PANX3: variants seen among roughly 807,000 people sequenced by gnomAD.
The protein encoded by PANX3 is pannexin-3.
PANX3 carries 18 observed loss-of-function variants against 31.5 expected under a neutral mutation model. The observed-to-expected ratio is 0.57, with a 90% CI of 0.39 to 0.85. PANX3 has a LOEUF of 0.85. Ranked by LOEUF, PANX3 falls within the 40% of genes least tolerant of loss-of-function variation. The probability of loss-of-function intolerance (pLI) is 0.00; values close to 1 mark genes in which losing one functional copy is unlikely to be tolerated. For synonymous variants in PANX3, 194 were observed against 201.6 expected (o/e 0.96, Z 0.32); for missense variants, 426 against 485.4 (o/e 0.88, Z 1.15).
intron 2 of PANX3, among the ~76,000 whole-genome samples, chr11:124,614,046 T>C (rs1320560675): frequency 2.6e-5 from 4 of 151,876 alleles, no homozygotes; most frequent in African/African-American, 9.7e-5. Context: ...TAGCATTTTC[T>C]AGGCACGACA....
In PANX3 at chr11:124,617,490, T is replaced by A. The variant is rs200211496; in HGVS notation, c.539+2T>A. The stretch of plus-strand genomic sequence containing the variant: ...TGTGTTCTGGAATGAGCTGGAGAAG[T>A]GAGTTGTCTCTTCCACCTTTTTCTG... On this transcript the variant is annotated splice_donor_variant, in intron 3 of 3. Transcript: ENST00000284288. LOFTEE classifies it high-confidence loss of function. 6.2e-7 allele frequency: 1 copy of A among 1,613,670 alleles called. No individual in the cohort carries two copies. Among genetic ancestry groups the A allele is most frequent in the Non-Finnish European group, 8.5e-7 (1 of 1,179,558 alleles).
intron 2 of PANX3, among the ~76,000 whole-genome samples, chr11:124,614,739 C>T (rs1418068092): frequency 1.4e-5 from 2 of 141,868 alleles, no homozygotes; most frequent in Non-Finnish European, 1.5e-5. Context: ...TGCAATGGCA[C>T]GATCTTGGCT....
chr11:124,616,191 A>C lies in PANX3; in HGVS notation c.325-1083A>C, dbSNP rs776849734. Among the ~76,000 whole-genome samples, 2 of 152,106 alleles carry C rather than the reference A, an allele frequency of 1.3e-5. No homozygotes were observed. The highest frequency in any genetic ancestry group is 4.8e-5 in the African/African-American group (2 of 41,420). ...GCACCACCAACTGGGTGGCTTCAAC[A>C]ATCAAAATTATCGTCTCAGGGTTCT... On this transcript the variant is annotated intron_variant, in intron 2 of 3. Coordinates refer to ENST00000284288, the MANE Select transcript of PANX3 (RefSeq NM_052959.3). The surrounding 1 kb of genome is among the most constrained non-coding windows in gnomAD (Gnocchi z 4.8).
chr11:124,612,408 T>A (rs1487931171), intron 1 of PANX3, among the ~76,000 whole-genome samples: 1 of 152,180 alleles, frequency 6.6e-6, no homozygotes, highest in Non-Finnish European at 1.5e-5. Context: ...TGCCATTAGC[T>A]TACTACATTT....
chr11:124,619,244 T>A, intron 3 of PANX3, 52 bp from the exon 4 acceptor site: 1 of 1,530,984 alleles, frequency 6.5e-7, no homozygotes, highest in Non-Finnish European at 8.8e-7. Flanking sequence ...TCTCTTAGAG[T>A]ATGGTTCTAA....
At chr11:124,613,534 C>T (rs1371166951) in intron 2 of PANX3, among the ~76,000 whole-genome samples, 2 of 152,126 alleles carry the variant, frequency 1.3e-5, no homozygotes, top group East Asian at 3.9e-4. Flanking sequence ...GTGGGTCTCA[C>T]CATTCAGAGT....
At chr11:124,612,102 T>C (rs1391515739) in intron 1 of PANX3, among the ~76,000 whole-genome samples, 12 of 152,214 alleles carry the variant, frequency 7.9e-5, no homozygotes, top group Admixed American at 1.3e-4. Flanking sequence ...CTCTTCATCT[T>C]AGCTGGGCTG....
chr11:124,615,707 T>C (rs1008533737), intron 2 of PANX3, among the ~76,000 whole-genome samples: 2 of 152,066 alleles, frequency 1.3e-5, no homozygotes, highest in Non-Finnish European at 1.5e-5. Flanking sequence ...CTAGCAAAAA[T>C]GTAGCTTTAA....
At position 124,619,421 on chromosome 11, in the gene PANX3, C is replaced by T; in HGVS notation, c.665C>T (p.Ala222Val). The T allele has an allele frequency of 6.2e-7, 1 of 1,614,194 alleles. No individual in the cohort carries two copies. Among genetic ancestry groups the T allele is most frequent in the African/African-American group, 1.3e-5 (1 of 75,038 alleles). ...RNSLLLIFTS[A>V]TYLYLGHFHL... ...TCCCTCTTGCTCATCTTCACCTCCGCCACTTACCTATACCTTGGTCATTTC... is the reference window on the plus strand; with the variant it reads ...TCCCTCTTGCTCATCTTCACCTCCGTCACTTACCTATACCTTGGTCATTTC... Residue 222 changes from alanine to valine, a missense_variant, in exon 4 of 4, where the codon GCC (alanine) becomes GTC (valine). Transcript: ENST00000284288.
intron 2 of PANX3, among the ~76,000 whole-genome samples, chr11:124,615,303 G>A (rs906034183): frequency 4.6e-5 from 7 of 151,836 alleles, no homozygotes; most frequent in African/African-American, 1.7e-4. Context: ...GGATGGTCTC[G>A]ATCTCTTGAC....
chr11:124,612,878 C>G, intron 1 of PANX3, 102 bp from the exon 2 acceptor site: 10 of 1,425,830 alleles, frequency 7.0e-6, no homozygotes, highest in Non-Finnish European at 9.6e-6. Context: ...AGAAGACAGT[C>G]CCTGCCAGAA....
chr11:124,613,548 C>T (rs1444955190), intron 2 of PANX3, among the ~76,000 whole-genome samples: 1 of 152,134 alleles, frequency 6.6e-6, no homozygotes, highest in Non-Finnish European at 1.5e-5. Context: ...TCAGAGTTCA[C>T]TCAGCTGCTC....
rs1337235450 is a variant in PANX3, at chr11:124,617,375, C to G, written c.426C>G (p.Phe142Leu). ...CAGCCCTCAGCTCCGATCTGCTGTT[C>G]ATCATCAGCGAACTGGACAAATCTT... Reference protein sequence around the residue: ...AVPALSSDLLFIISELDKSYN... With the variant: ...AVPALSSDLLLIISELDKSYN... Residue 142 changes from phenylalanine (F) to leucine (L), a missense_variant, in exon 3 of 4, where the codon TTC becomes TTG. Physicochemically the swap from Phe to Leu is conservative, Grantham distance 22. Transcript: ENST00000284288. 6.2e-7 allele frequency: 1 copy of G among 1,613,836 alleles called. No homozygotes were observed. The highest frequency in any genetic ancestry group is 8.5e-7 in the Non-Finnish European group (1 of 1,180,054).
chr11:124,619,820 C>T lies in PANX3; in HGVS notation c.1064C>T (p.Thr355Ile). 6.2e-7 allele frequency: 1 copy of T among 1,614,108 alleles called. No homozygotes were observed. Among genetic ancestry groups the T allele is most frequent in the Non-Finnish European group, 8.5e-7 (1 of 1,180,020 alleles). The change falls in exon 4 of 4, where the codon ACA (threonine) becomes ATA (isoleucine). Residue 355 changes from threonine (T) to isoleucine (I), a missense_variant. Coordinates refer to ENST00000284288, the MANE Select transcript of PANX3 (RefSeq NM_052959.3). ...WLSVLCVLKD[T>I]TTQKHNIDTV... is the part of the protein sequence containing the mutation. Reference sequence around the variant, plus strand: ...AGTGTCTTATGTGTGTTGAAGGATACAACCACCCAGAAGCACAATATTGAC... The same window carrying T: ...AGTGTCTTATGTGTGTTGAAGGATATAACCACCCAGAAGCACAATATTGAC...
At position 124,619,637 on chromosome 11, in the gene PANX3, T is replaced by C; in HGVS notation, c.881T>C (p.Leu294Pro). 1 of 1,614,232 alleles carries C rather than the reference T, an allele frequency of 6.2e-7. No homozygotes were observed. Among genetic ancestry groups the C allele is most frequent in the Non-Finnish European group, 8.5e-7 (1 of 1,180,048 alleles). The change falls in exon 4 of 4, where the codon CTA (leucine) becomes CCA (proline). Residue 294 changes from leucine (L) to proline (P), a missense_variant. Physicochemically the swap from Leu to Pro is moderately conservative, Grantham distance 98. Transcript: ENST00000284288. ...VPVIIYNLTR[L>P]CRWDKRLLSV... ...GTGATAATATACAACCTCACACGGC[T>C]ATGTCGGTGGGACAAACGACTTTTA...
rs755440472 is a variant in PANX3, at chr11:124,617,322, G to A, written c.373G>A (p.Val125Met). 6.2e-6 allele frequency: 10 copies of A among 1,611,112 alleles called. No individual in the cohort carries two copies. The South Asian group carries it at 9.9e-5, about 16-fold the overall frequency. Residue 125 changes from valine to methionine, a missense_variant, in exon 3 of 4, where the codon GTG becomes ATG. By Grantham distance (21) the Val-to-Met change is conservative. Coordinates refer to ENST00000284288, the MANE Select transcript of PANX3 (RefSeq NM_052959.3). The part of the protein sequence containing the change: ...LALALLMYLP[V>M]LLWQYAAVPA... ...CCTGGCCTTGCTCATGTACCTGCCGGTGCTGCTGTGGCAGTATGCAGCTGT... is the reference window on the plus strand; with the variant it reads ...CCTGGCCTTGCTCATGTACCTGCCGATGCTGCTGTGGCAGTATGCAGCTGT...
intron 3 of PANX3, 49 bp downstream of exon 3, chr11:124,617,537 AATG>A: frequency 1.3e-6 from 2 of 1,576,978 alleles, no homozygotes; most frequent in Admixed American, 3.3e-5. Context: ...CAAGCATTAA[AATG>A]ATAACTTTGC....
Position 124,620,152 on chromosome 11 carries a change from G to A in PANX3, c.*217G>A, listed in dbSNP as rs554849942. ...TGAAAGCTGGAGCCGAAGAGTCAAA[G>A]AGCTAAAAAATTAAGTCTAGAACAT... On this transcript the variant is annotated 3_prime_UTR_variant, in exon 4 of 4. Coordinates refer to ENST00000284288, the MANE Select transcript of PANX3 (RefSeq NM_052959.3). 1.8e-6 allele frequency: 1 copy of A among 570,782 alleles called. No homozygotes were observed. The highest frequency in any genetic ancestry group is 3.0e-6 in the Non-Finnish European group (1 of 338,898). 35.4% of individuals were successfully genotyped at this position (570,782 alleles called of 1,614,324 possible). A position where few individuals can be genotyped will look rare whatever the true frequency, so the allele number is the denominator to read the frequency against.
rs1591367822 is a variant in PANX3, at chr11:124,613,092, G to A, written c.294G>A (p.Gln98=). 1 of 1,613,936 alleles carries A rather than the reference G, an allele frequency of 6.2e-7. No individual in the cohort carries two copies. The highest frequency in any genetic ancestry group is 2.2e-5 in the East Asian group (1 of 44,878). ...ACCATAAGCAGGACGGGCCTGGCCA[G>A]GACAAAATGAAATCTCTCTGGCCCC... ...LLHHKQDGPG[Q]DKMKSLWPHK... The change falls in exon 2 of 4, where the codon CAG becomes CAA. Residue 98 remains glutamine, a synonymous_variant. Transcript: ENST00000284288.
Sources: gnomAD v4.1 joint callset for allele counts (sites outside exome capture counted in the v4.1 genomes callset) on GRCh38, gnomAD v4.1.1 for gene constraint, Gnocchi (gnomAD v3.1) non-coding constraint, MANE v1.5 for transcripts, NCBI Gene and HGNC (gene_info 2026-07-23, HGNC 2026-07-21) for gene names.